RUNX1: variants seen among roughly 807,000 people sequenced by gnomAD.
RUNX1 encodes the protein RUNX family transcription factor 1.
In RUNX1, 19 loss-of-function variants were observed where a neutral mutation model predicts 42.8. That is an observed-to-expected ratio of 0.44 (90% CI 0.31 to 0.65). RUNX1 has a LOEUF of 0.65. Among genes scored for constraint, RUNX1 ranks in the 30% least tolerant of loss-of-function variants. RUNX1 has a pLI of 0.07. For missense variants in RUNX1, 528 were observed against 672.0 expected (o/e 0.79, Z 2.37); for synonymous variants, 271 against 289.4 (o/e 0.94, Z 0.64).
At chr21:34,885,326 A>T (rs960683538) in intron 4 of RUNX1, among the ~76,000 whole-genome samples, 1 of 152,164 alleles carries the variant, frequency 6.6e-6, no homozygotes, top group African/African-American at 2.4e-5. Flanking sequence ...CGGGTGCCCT[A>T]AAGAGTCATC....
Position 34,791,925 on chromosome 21 carries a change from C to T in RUNX1, c.*210G>A. ...GACACCTCCGCGAGGGCCGGGGCGC[C>T]AGCAGACGGCGGCGGCGTGGGCTTC... On this transcript the variant is annotated 3_prime_UTR_variant, in exon 9 of 9. Coordinates refer to ENST00000675419, the MANE Select transcript of RUNX1 (RefSeq NM_001754.5). 3.1e-6 allele frequency: 1 copy of T among 325,100 alleles called. No individual in the cohort carries two copies. Among genetic ancestry groups the T allele is most frequent in the Non-Finnish European group, 5.8e-6 (1 of 172,512 alleles). 20.1% of individuals were successfully genotyped at this position (325,100 alleles called of 1,614,324 possible).
chr21:34,931,233 T>C (rs537159656), intron 2 of RUNX1, among the ~76,000 whole-genome samples: 5 of 151,774 alleles, frequency 3.3e-5, no homozygotes, highest in African/African-American at 1.2e-4. Context: ...CCTCCAATAA[T>C]ATTATTATTT....
chr21:35,030,227 C>T (rs756502917), intron 2 of RUNX1, among the ~76,000 whole-genome samples: 34 of 152,124 alleles, frequency 2.2e-4, no homozygotes, highest in Non-Finnish European at 3.8e-4. Context: ...CCTGTAATCC[C>T]AGCCACTCAG....
At chr21:34,964,925 T>A (rs1348376670) in intron 2 of RUNX1, among the ~76,000 whole-genome samples, 1 of 152,118 alleles carries the variant, frequency 6.6e-6, no homozygotes, top group Non-Finnish European at 1.5e-5. Flanking sequence ...TGCACACTTA[T>A]GCTTGCACCT....
rs143645657 is a variant in RUNX1, at chr21:34,949,646, A to G, written c.59-56683T>C. ...AACCACGAAGGTAGCTCCAACCCCA[A>G]TCGCTGTGGATGCCACACCCGCGCC... On this transcript the variant is annotated intron_variant, in intron 2 of 8. Coordinates refer to ENST00000675419, the MANE Select transcript of RUNX1 (RefSeq NM_001754.5). Among the ~76,000 whole-genome samples the G allele has an allele frequency of 1.4e-4, 22 of 152,306 alleles. No individual in the cohort carries two copies. The East Asian group carries it at 4.3e-3, about 29-fold the overall frequency.
In RUNX1 at chr21:34,793,469, T is replaced by G. The variant is rs192920979; in HGVS notation, c.968-859A>C. On this transcript the variant is annotated intron_variant, in intron 8 of 8. Coordinates refer to ENST00000675419, the MANE Select transcript of RUNX1 (RefSeq NM_001754.5). ...GCCAGCCAAATCTGGCATTTTTGCATGTCCCAGGAGGTAAGAATGCATTTT... is the reference window on the plus strand; with the variant it reads ...GCCAGCCAAATCTGGCATTTTTGCAGGTCCCAGGAGGTAAGAATGCATTTT... Among the ~76,000 whole-genome samples the G allele has an allele frequency of 5.3e-5, 8 of 152,264 alleles. No homozygotes were observed. In the East Asian group the frequency reaches 1.5e-3, roughly 29 times the overall value.
intron 2 of RUNX1, among the ~76,000 whole-genome samples, chr21:34,930,297 A>ATATATATATATATATGT (rs1569110430): frequency 1.2e-4 from 16 of 131,036 alleles, no homozygotes; most frequent in African/African-American, 5.8e-4. Context: ...TATATAAATA[A>ATATATATATATATATGT]ATAAATAAAA....
chr21:35,047,514 A>ACACACACAC (rs2059405168), intron 2 of RUNX1, among the ~76,000 whole-genome samples: 1 of 70,586 alleles, frequency 1.4e-5, no homozygotes, highest in Non-Finnish European at 2.8e-5. Flanking sequence ...TGCCATCTCC[A>ACACACACAC]ACACACACAC....
intron 6 of RUNX1, among the ~76,000 whole-genome samples, chr21:34,841,839 CCTT>C (rs2057240991): frequency 6.6e-6 from 1 of 152,214 alleles, no homozygotes; most frequent in Non-Finnish European, 1.5e-5. Context: ...AGTCCCTAGC[CCTT>C]TGGCTTAGGT....
At chr21:34,927,394 T>G (rs993472800) in intron 2 of RUNX1, among the ~76,000 whole-genome samples, 1 of 152,134 alleles carries the variant, frequency 6.6e-6, no homozygotes, top group African/African-American at 2.4e-5. Context: ...GATTTCTCAT[T>G]TGCGGACTCT....
intron 4 of RUNX1, 35 bp downstream of exon 4, chr21:34,886,808 C>A (rs2146406861): frequency 6.2e-7 from 1 of 1,611,668 alleles, no homozygotes; most frequent in Non-Finnish European, 8.5e-7. Context: ...CGCCGGCCTC[C>A]GCCTGTCCTC....
At chr21:35,032,206 TAGAA>T (rs1302273026) in intron 2 of RUNX1, among the ~76,000 whole-genome samples, 6 of 152,206 alleles carry the variant, frequency 3.9e-5, no homozygotes, top group African/African-American at 1.4e-4. Context: ...TTCCCCTAAA[TAGAA>T]AGATATGGAG....
At chr21:34,994,196 A>ATT (rs11459165) in intron 2 of RUNX1, among the ~76,000 whole-genome samples, 12 of 151,072 alleles carry the variant, frequency 7.9e-5, no homozygotes, top group Middle Eastern at 3.4e-3. Context: ...ACGGAACCAC[A>ATT]TTTTTTTTTA....
intron 6 of RUNX1, among the ~76,000 whole-genome samples, chr21:34,845,922 A>G (rs754132656): frequency 5.9e-5 from 9 of 152,144 alleles, no homozygotes; most frequent in Non-Finnish European, 1.2e-4. Flanking sequence ...ATTAACTTTC[A>G]ATAGGGAAGT....
chr21:34,913,235 AAAG>A (rs1256628750), intron 2 of RUNX1, among the ~76,000 whole-genome samples: 4 of 152,110 alleles, frequency 2.6e-5, no homozygotes, highest in Admixed American at 6.5e-5. Context: ...TCCATCTCAA[AAAG>A]AAGAAGAAGG....
intron 2 of RUNX1, among the ~76,000 whole-genome samples, chr21:34,938,183 T>C (rs2058500591): frequency 1.3e-5 from 2 of 152,166 alleles, no homozygotes; most frequent in Admixed American, 6.5e-5. Flanking sequence ...CCTATATGTA[T>C]TGAATATGAT....
intron 2 of RUNX1, among the ~76,000 whole-genome samples, chr21:35,036,003 C>T (rs1187482810): frequency 6.6e-6 from 1 of 152,106 alleles, no homozygotes; most frequent in Non-Finnish European, 1.5e-5. Flanking sequence ...GGTCTGGGGG[C>T]CAGGACTCCT....
intron 2 of RUNX1, among the ~76,000 whole-genome samples, chr21:34,978,868 AGAG>A (rs2058823523): frequency 6.6e-6 from 1 of 151,484 alleles, no homozygotes; most frequent in African/African-American, 2.4e-5. Flanking sequence ...CTGGATGCAA[AGAG>A]GAGATTTTCA....
intron 5 of RUNX1, among the ~76,000 whole-genome samples, chr21:34,871,197 C>T (rs1372700342): frequency 6.6e-6 from 1 of 152,180 alleles, no homozygotes. Context: ...CAGCTGTTTT[C>T]AAGCTTTTTC....
Sources: allele counts gnomAD v4.1 joint callset (sites outside exome capture counted in the v4.1 genomes callset), GRCh38; gene constraint gnomAD v4.1.1; transcripts MANE v1.5; gene names NCBI Gene and HGNC (gene_info 2026-07-23, HGNC 2026-07-21).